Variants in ZBTB3 observed in about 807,000 individuals in gnomAD.
ZBTB3 encodes the protein zinc finger and BTB domain-containing protein 3.
In ZBTB3, 15 loss-of-function variants were observed where a neutral mutation model predicts 30.6. The observed-to-expected ratio is 0.49, with a 90% CI of 0.33 to 0.75. The LOEUF (loss-of-function observed/expected upper bound fraction) is 0.75. Ranked by LOEUF, ZBTB3 falls within the 30% of genes least tolerant of loss-of-function variation. The pLI, the probability that ZBTB3 is intolerant of heterozygous loss-of-function variation, is 0.02. For synonymous variants in ZBTB3, 258 were observed against 261.7 expected (o/e 0.99, Z 0.14); for missense variants, 599 against 652.1 (o/e 0.92, Z 0.89).
At position 62,752,473 on chromosome 11, in the gene ZBTB3, G is replaced by A. The variant is rs1158385854; in HGVS notation, c.1192C>T (p.His398Tyr). ...TCAGAAGACAGGTAAAGTGGCTCATGCAGGGATGCGGGTGCAGGCAGAGGT... is the reference window on the plus strand; with the variant it reads ...TCAGAAGACAGGTAAAGTGGCTCATACAGGGATGCGGGTGCAGGCAGAGGT... ...TSPLPAPASL[H>Y]EPLYLSSEYE... Residue 398 changes from histidine (H) to tyrosine (Y), a missense_variant, in exon 2 of 2, where the codon CAT becomes TAT. Transcript: ENST00000394807. 7 of 1,614,190 alleles carry A rather than the reference G, an allele frequency of 4.3e-6. No individual in the cohort carries two copies. Among genetic ancestry groups the A allele is most frequent in the Non-Finnish European group, 5.9e-6 (7 of 1,180,036 alleles).
At position 62,754,045 on chromosome 11, in the gene ZBTB3, C is replaced by T; in HGVS notation, c.-133G>A. 1 of 1,614,172 alleles carries T rather than the reference C, an allele frequency of 6.2e-7. No homozygotes were observed. The highest frequency in any genetic ancestry group is 1.1e-5 in the South Asian group (1 of 91,082). ...CAGGCGATGCCTCTACGCCCCACTT[C>T]GAGAACTCCCTAAGCATCTCCCTCA... On this transcript the variant is annotated 5_prime_UTR_variant, in exon 1 of 2. Coordinates refer to ENST00000394807, the MANE Select transcript of ZBTB3 (RefSeq NM_001370809.1).
At position 62,752,078 on chromosome 11, in the gene ZBTB3, GC is replaced by G. The variant is rs1411602582; in HGVS notation, c.*11del. 4 of 1,588,582 alleles carry G rather than the reference GC, an allele frequency of 2.5e-6. No individual in the cohort carries two copies. The highest frequency in any genetic ancestry group is 3.4e-6 in the Non-Finnish European group (4 of 1,165,652). On this transcript the variant is annotated 3_prime_UTR_variant, in exon 2 of 2. Coordinates refer to ENST00000394807, the MANE Select transcript of ZBTB3 (RefSeq NM_001370809.1). ...GGATGGTAAGAGCAGCCTAGCATCA[GC>G]TCATGCTCCCTTAGATGTTAGTTTT...
In ZBTB3 at chr11:62,751,629, CA is replaced by C. The variant is rs796688257; in HGVS notation, c.*460del. ...CCAGCCTCAGTGACAGAGCAAGACTCAAAAAAAAAAAGGCAGCTGGGCGCGG... is the reference window on the plus strand; with the variant it reads ...CCAGCCTCAGTGACAGAGCAAGACTCAAAAAAAAAAGGCAGCTGGGCGCGG... On this transcript the variant is annotated 3_prime_UTR_variant, in exon 2 of 2. Transcript: ENST00000394807. The C allele has an allele frequency of 8.0e-4, 90 of 112,774 alleles. No homozygotes were observed. The highest frequency in any genetic ancestry group is 9.4e-3 in the Middle Eastern group (1 of 106). The allele number at this position is 112,774 out of a possible 1,614,324, so 7.0% of individuals were successfully genotyped here. A position where few individuals can be genotyped will look rare whatever the true frequency, so the allele number is the denominator to read the frequency against.
chr11:62,753,198 G>C lies in ZBTB3; in HGVS notation c.467C>G (p.Ser156Trp). The C allele has an allele frequency of 1.2e-6, 2 of 1,614,194 alleles. No individual in the cohort carries two copies. Among genetic ancestry groups the C allele is most frequent in the Non-Finnish European group, 1.7e-6 (2 of 1,180,044 alleles). ...GCCTGATGTCTCAGCAGATGCCAAC[G>C]AAGGTTGGGTGCCACGGGAAGTACT... The part of the protein sequence containing the change: ...LSSTSRGTQP[S>W]LASAETSGHW... Residue 156 changes from serine to tryptophan, a missense_variant, in exon 2 of 2, where the codon TCG becomes TGG. Coordinates refer to ENST00000394807, the MANE Select transcript of ZBTB3 (RefSeq NM_001370809.1).
In ZBTB3 at chr11:62,752,687, A is replaced by G; in HGVS notation, c.978T>C (p.Pro326=). Residue 326 remains proline (P), a synonymous_variant, in exon 2 of 2, where the codon CCT becomes CCC. Coordinates refer to ENST00000394807, the MANE Select transcript of ZBTB3 (RefSeq NM_001370809.1). ...TDVSDEQPQG[P]ERAFPSGGAV... Reference sequence around the variant, plus strand: ...CTCCTCCAGATGGGAAAGCTCTCTCAGGACCCTGAGGCTGTTCATCTGACA... The same window carrying G: ...CTCCTCCAGATGGGAAAGCTCTCTCGGGACCCTGAGGCTGTTCATCTGACA... 6.2e-7 allele frequency: 1 copy of G among 1,614,230 alleles called. No homozygotes were observed. The highest frequency in any genetic ancestry group is 2.2e-5 in the East Asian group (1 of 44,886).
Position 62,754,073 on chromosome 11 carries a change from C to T in ZBTB3, c.-161G>A, listed in dbSNP as rs201287603. ...GAACTCCCTAAGCATCTCCCTCACGCATTCCAGGGGCTAAGGACTACCAGG... is the reference window on the plus strand; with the variant it reads ...GAACTCCCTAAGCATCTCCCTCACGTATTCCAGGGGCTAAGGACTACCAGG... On this transcript the variant is annotated 5_prime_UTR_variant, in exon 1 of 2. An upstream start codon of the reference 5' UTR is lost. Transcript: ENST00000394807. 33 of 1,613,858 alleles carry T rather than the reference C, an allele frequency of 2.0e-5. No individual in the cohort carries two copies. The highest frequency in any genetic ancestry group is 2.5e-5 in the Non-Finnish European group (29 of 1,179,750).
rs757582679 is a variant in ZBTB3 at position 62,752,834 on chromosome 11, G to C, written c.831C>G (p.Ala277=). 1 of 1,614,090 alleles carries C rather than the reference G, an allele frequency of 6.2e-7. No individual in the cohort carries two copies. Among genetic ancestry groups the C allele is most frequent in the Non-Finnish European group, 8.5e-7 (1 of 1,180,020 alleles). Residue 277 remains alanine (A), a synonymous_variant, in exon 2 of 2, where the codon GCC becomes GCG. Coordinates refer to ENST00000394807, the MANE Select transcript of ZBTB3 (RefSeq NM_001370809.1). ...AGACAGGGGCTGGGGCTGACGTTGG[G>C]GCTGAGGCTGGGGGATAGAAGCCTT... ...PLQGFYPPAS[A]PTSAPAPVSA... is the part of the protein sequence containing the mutation.
rs1254668056 is a variant in ZBTB3, at chr11:62,751,801, G to A, written c.*289C>T. On this transcript the variant is annotated 3_prime_UTR_variant, in exon 2 of 2. Coordinates refer to ENST00000394807, the MANE Select transcript of ZBTB3 (RefSeq NM_001370809.1). ...TCAAAAAAAATTAGCCAGGCATGGT[G>A]ATAGGCGCCTGTAGTCCCAGCTACT... 1 of 223,302 alleles carries A rather than the reference G, an allele frequency of 4.5e-6. No individual in the cohort carries two copies. Among genetic ancestry groups the A allele is most frequent in the African/African-American group, 2.3e-5 (1 of 43,274 alleles). The allele number at this position is 223,302 out of a possible 1,614,324, so 13.8% of individuals were successfully genotyped here.
Position 62,753,227 on chromosome 11 carries a change from CAAA to C in ZBTB3, c.435_437del (p.Phe145del). 1.9e-6 allele frequency: 3 copies of C among 1,614,192 alleles called. No individual in the cohort carries two copies. The highest frequency in any genetic ancestry group is 2.5e-6 in the Non-Finnish European group (3 of 1,180,036). On this transcript the variant is annotated inframe_deletion, in exon 2 of 2. Transcript: ENST00000394807. Reference sequence around the variant, plus strand: ...GTTGGGTGCCACGGGAAGTACTAGACAAAAACTCCAAACTAGGAAGCTGTGAGT... The same window carrying C: ...GTTGGGTGCCACGGGAAGTACTAGACAACTCCAAACTAGGAAGCTGTGAGT...
chr11:62,753,687 G>A lies in ZBTB3; in HGVS notation c.-23C>T. 1 of 1,602,078 alleles carries A rather than the reference G, an allele frequency of 6.2e-7. No homozygotes were observed. Among genetic ancestry groups the A allele is most frequent in the Non-Finnish European group, 8.5e-7 (1 of 1,174,784 alleles). On this transcript the variant is annotated 5_prime_UTR_variant, in exon 2 of 2. Coordinates refer to ENST00000394807, the MANE Select transcript of ZBTB3 (RefSeq NM_001370809.1). ...CATAGTACCCCACGAAGGAAAGGGGGCCCAAAAAAGGTCCCCACCAGTGGC... is the reference window on the plus strand; with the variant it reads ...CATAGTACCCCACGAAGGAAAGGGGACCCAAAAAAGGTCCCCACCAGTGGC...
Position 62,751,742 on chromosome 11 carries a change from G to A in ZBTB3, c.*348C>T. The A allele has an allele frequency of 5.8e-6, 1 of 171,756 alleles. No homozygotes were observed. The highest frequency in any genetic ancestry group is 1.4e-4 in the South Asian group (1 of 7,294). 10.6% of individuals were successfully genotyped at this position (171,756 alleles called of 1,614,324 possible). ...TCTGTCAGAAGATCGAGACCATCCTGGCTAACACGGTGAAACCCTGTCTCT... is the reference window on the plus strand; with the variant it reads ...TCTGTCAGAAGATCGAGACCATCCTAGCTAACACGGTGAAACCCTGTCTCT... On this transcript the variant is annotated 3_prime_UTR_variant, in exon 2 of 2. Transcript: ENST00000394807.
In ZBTB3 at chr11:62,752,119, AATCTTTAGGTG is replaced by A. The variant is rs2084017778; in HGVS notation, c.1535_1545del (p.Pro512LeufsTer8). ...ATGTTAGTTTTTGGGGCCAATACAA[AATCTTTAGGTG>A]GCCCTCCACCACTGCTGCTCTGTCT... On this transcript the variant is annotated frameshift_variant, in exon 2 of 2. Coordinates refer to ENST00000394807, the MANE Select transcript of ZBTB3 (RefSeq NM_001370809.1). LOFTEE classifies it high-confidence loss of function. 1 of 1,612,144 alleles carries A rather than the reference AATCTTTAGGTG, an allele frequency of 6.2e-7. No homozygotes were observed. The highest frequency in any genetic ancestry group is 1.3e-5 in the African/African-American group (1 of 74,806).
Position 62,753,660 on chromosome 11 carries a change from T to A in ZBTB3, c.5A>T (p.Glu2Val). Reference protein sequence around the residue: MEFPEHSQQLLQ... With the variant: MVFPEHSQQLLQ... ...CAGCTGCTGACTGTGTTCTGGGAAC[T>A]CCATAGTACCCCACGAAGGAAAGGG... The change falls in exon 2 of 2, where the codon GAG becomes GTG. Residue 2 changes from glutamate to valine, a missense_variant. Coordinates refer to ENST00000394807, the MANE Select transcript of ZBTB3 (RefSeq NM_001370809.1). 3 of 1,611,988 alleles carry A rather than the reference T, an allele frequency of 1.9e-6. No homozygotes were observed. In the South Asian group the frequency reaches 3.3e-5, roughly 18 times the overall value.
Position 62,753,245 on chromosome 11 carries a change from A to C in ZBTB3, c.420T>G (p.Leu140=). ...TKKEEETNSQ[L]PSLEFLSSTS... ...TACTAGACAAAAACTCCAAACTAGG[A>C]AGCTGTGAGTTGGTTTCCTCCTCCT... The change falls in exon 2 of 2, where the codon CTT becomes CTG. Residue 140 remains leucine (L), a synonymous_variant. Coordinates refer to ENST00000394807, the MANE Select transcript of ZBTB3 (RefSeq NM_001370809.1). 6.2e-7 allele frequency: 1 copy of C among 1,614,146 alleles called. No individual in the cohort carries two copies. The highest frequency in any genetic ancestry group is 8.5e-7 in the Non-Finnish European group (1 of 1,180,038).
At chr11:62,753,852 C>A (rs1312433115) in intron 1 of ZBTB3, 112 bp downstream of exon 1, 11 of 1,550,346 alleles carry the variant, frequency 7.1e-6, no homozygotes, top group Non-Finnish European at 8.7e-7. Context: ...AAAGCTCTCC[C>A]ATTAGCTCCG....
At chr11:62,753,785 T>C (rs1245564842) in intron 1 of ZBTB3, 70 bp from the exon 2 acceptor site, 1 of 1,541,988 alleles carries the variant, frequency 6.5e-7, no homozygotes, top group Non-Finnish European at 8.7e-7. Context: ...TAACTATCAC[T>C]TGCCACTCCA....
rs1397649412 is a variant in ZBTB3, at chr11:62,752,819, T to A, written c.846A>T (p.Pro282=). The change falls in exon 2 of 2, where the codon CCA becomes CCT. Residue 282 remains proline, a synonymous_variant. Transcript: ENST00000394807. ...ATGGAACTGGAGCTGAGACAGGGGC[T>A]GGGGCTGACGTTGGGGCTGAGGCTG... The part of the protein sequence containing the change: ...YPPASAPTSA[P]APVSAPVPSQ... 6.2e-7 allele frequency: 1 copy of A among 1,614,078 alleles called. No homozygotes were observed. Among genetic ancestry groups the A allele is most frequent in the Admixed American group, 1.7e-5 (1 of 60,000 alleles).
chr11:62,752,407 C>T lies in ZBTB3; in HGVS notation c.1258G>A (p.Asp420Asn). 1 of 1,614,132 alleles carries T rather than the reference C, an allele frequency of 6.2e-7. No individual in the cohort carries two copies. The highest frequency in any genetic ancestry group is 8.5e-7 in the Non-Finnish European group (1 of 1,180,022). ...CCACATGTCTTGCAGGTGGGAACAT[C>T]CTCAGTAAAAACCCCAAAGCTTCCT... ...APGSFGVFTE[D>N]VPTCKTCGKT... The change falls in exon 2 of 2, where the codon GAT becomes AAT. Residue 420 changes from aspartate (D) to asparagine (N), a missense_variant. Asp to Asn is a conservative substitution (Grantham distance 23). Transcript: ENST00000394807.
rs547355281 is a variant in ZBTB3 at position 62,752,647 on chromosome 11, GTGCCCCATACAC to G, written c.1006_1017del (p.Val336_Ala339del). ...TCAAAAGCCTCTGGCTGGGAGGGCTGTGCCCCATACACTGCTCCTCCAGATGGGAAAGCTCTC... is the reference window on the plus strand; with the variant it reads ...TCAAAAGCCTCTGGCTGGGAGGGCTGTGCTCCTCCAGATGGGAAAGCTCTC... On this transcript the variant is annotated inframe_deletion, in exon 2 of 2. Transcript: ENST00000394807. 2.5e-6 allele frequency: 4 copies of G among 1,614,222 alleles called. No individual in the cohort carries two copies. The Admixed American group carries it at 5.0e-5, about 20-fold the overall frequency.
Sources: gnomAD v4.1 joint callset for allele counts on GRCh38, gnomAD v4.1.1 for gene constraint, MANE v1.5 for transcripts, NCBI Gene and HGNC (gene_info 2026-07-23, HGNC 2026-07-21) for gene names.